The following FBN3 variants were observed in gnomAD, a reference collection of about 807,000 sequenced individuals.
The protein encoded by FBN3 is fibrillin 3, also known as fibrillin-3.
A neutral mutation model predicts 330.1 loss-of-function variants in FBN3; 234 were observed. The ratio of observed to expected loss-of-function variants is 0.71; its 90% CI spans 0.64 to 0.79. The LOEUF (loss-of-function observed/expected upper bound fraction) is 0.79, where lower values mean the gene tolerates loss of function less well. Ranked by LOEUF, FBN3 falls within the 30% of genes least tolerant of loss-of-function variation. The probability of loss-of-function intolerance (pLI) is 0.00; values close to 1 mark genes in which losing one functional copy is unlikely to be tolerated. For missense variants in FBN3, 3,606 were observed against 3,886.9 expected, an observed-to-expected ratio of 0.93 and a Z score of 1.92; for synonymous variants, 1,458 against 1,517.3, an observed-to-expected ratio of 0.96 and a Z score of 0.91.
At position 8,129,242 on chromosome 19, in the gene FBN3, G is replaced by T; in HGVS notation, c.2168C>A (p.Thr723Lys). The change falls in exon 17 of 64, where the codon ACA becomes AAA. Residue 723 changes from threonine to lysine, a missense_variant and splice_region_variant. Coordinates refer to ENST00000600128, the MANE Select transcript of FBN3 (RefSeq NM_032447.5). This position sits in a 1 kb window ranked among gnomAD's most constrained non-coding sequence, Gnocchi z 4.5. ...YEAGASGKDC[T>K]DVDECALNSL... Reference sequence around the variant, plus strand: ...CGCCCGCCAGGTGGCATGCTCACCTGTGCAGTCCTTGCCTGAGGCACCTGC... The same window carrying T: ...CGCCCGCCAGGTGGCATGCTCACCTTTGCAGTCCTTGCCTGAGGCACCTGC... 1.2e-6 allele frequency: 2 copies of T among 1,614,080 alleles called. No homozygotes were observed. Among genetic ancestry groups the T allele is most frequent in the Non-Finnish European group, 1.7e-6 (2 of 1,180,004 alleles).
At chr19:8,134,752 G>A (rs569078893) in intron 13 of FBN3, among the ~76,000 whole-genome samples, 1 of 151,320 alleles carries the variant, frequency 6.6e-6, no homozygotes. Context: ...TGGCCAACAT[G>A]GTGAAACCCC....
rs375951354 is a variant in FBN3, at chr19:8,144,451, C to T, written c.541+426G>A. On this transcript the variant is annotated intron_variant, in intron 6 of 63. Transcript: ENST00000600128. ...AGGGGGTTTGCCCATCTCATGAAGT[C>T]CAGTCCACCCTACCAGATCCAGCTG... Among the ~76,000 whole-genome samples the T allele has an allele frequency of 5.9e-4, 90 of 151,974 alleles. No homozygotes were observed. In the South Asian group the frequency reaches 0.017, roughly 29 times the overall value.
At chr19:8,116,510 G>A (rs575955080) in intron 29 of FBN3, among the ~76,000 whole-genome samples, 164 bp downstream of exon 29, 4 of 152,204 alleles carry the variant, frequency 2.6e-5, no homozygotes, top group Non-Finnish European at 5.9e-5. Flanking sequence ...GGACCCTTAT[G>A]TGGAGAAGCA....
chr19:8,146,710 G>A (rs539860891), intron 3 of FBN3, among the ~76,000 whole-genome samples: 1 of 152,036 alleles, frequency 6.6e-6, no homozygotes, highest in African/African-American at 2.4e-5. Flanking sequence ...CTCACACCTG[G>A]AATCCTAGCA....
intron 46 of FBN3, among the ~76,000 whole-genome samples, chr19:8,095,115 G>T (rs2082182105): frequency 6.6e-6 from 1 of 152,056 alleles, no homozygotes; most frequent in Non-Finnish European, 1.5e-5. Context: ...AGGACTACAG[G>T]CAATAGCCAC....
intron 46 of FBN3, 29 bp downstream of exon 46, chr19:8,095,346 A>C (rs1473648641): frequency 1.2e-6 from 2 of 1,603,394 alleles, no homozygotes; most frequent in Non-Finnish European, 1.7e-6. Context: ...GCTGGCTGAG[A>C]TGCCTCCGAG....
intron 42 of FBN3, 30 bp from the exon 43 acceptor site, chr19:8,097,036 T>A: frequency 6.2e-7 from 1 of 1,604,652 alleles, no homozygotes; most frequent in Non-Finnish European, 8.5e-7. Flanking sequence ...GAGGTGGGGG[T>A]GACAGAGAAG....
Position 8,149,218 on chromosome 19 carries a change from CA to C in FBN3, c.-18+230del, listed in dbSNP as rs1039583908. ...TTGGCTCCGCCCTCACCTGTGGGGT[CA>C]GGGGCCCCGCGCCCCGGCCGAGCCC... On this transcript the variant is annotated intron_variant, in intron 1 of 63. Transcript: ENST00000600128. The surrounding 1 kb of genome is among the most constrained non-coding windows in gnomAD (Gnocchi z 5.5). Among the ~76,000 whole-genome samples, 1 of 151,742 alleles carries C rather than the reference CA, an allele frequency of 6.6e-6. No homozygotes were observed. Among genetic ancestry groups the C allele is most frequent in the African/African-American group, 2.4e-5 (1 of 41,362 alleles).
chr19:8,113,703 C>A (rs2082641062), intron 30 of FBN3, among the ~76,000 whole-genome samples: 1 of 151,696 alleles, frequency 6.6e-6, no homozygotes, highest in South Asian at 2.1e-4. Flanking sequence ...AGCGAGACCT[C>A]ATCTTTACAA....
In FBN3 at chr19:8,112,159, T is replaced by TA. The variant is rs1211502529; in HGVS notation, c.3839-61dup. The TA allele has an allele frequency of 1.1e-4, 167 of 1,558,664 alleles. 1 individual carries two copies. Among genetic ancestry groups the TA allele is most frequent in the Non-Finnish European group, 1.3e-4 (149 of 1,142,738 alleles). Reference sequence around the variant, plus strand: ...TCACAGAAGGAAAGACTCGATGCAATAGCAGCGGAAAGGGCAGGGACTCTT... The same window carrying TA: ...TCACAGAAGGAAAGACTCGATGCAATAAGCAGCGGAAAGGGCAGGGACTCTT... On this transcript the variant is annotated intron_variant, in intron 30 of 63. Transcript: ENST00000600128.
chr19:8,095,693 T>C (rs568238001), intron 45 of FBN3, among the ~76,000 whole-genome samples, 190 bp from the exon 46 acceptor site: 3 of 152,218 alleles, frequency 2.0e-5, no homozygotes, highest in Admixed American at 6.5e-5. Flanking sequence ...AATATAACCA[T>C]GTAATGCTAT....
chr19:8,117,056 G>C, intron 28 of FBN3, 113 bp downstream of exon 28: 1 of 1,469,496 alleles, frequency 6.8e-7, no homozygotes, highest in South Asian at 1.3e-5. Flanking sequence ...GGGGTGCCTC[G>C]GGTCTGGCTG....
chr19:8,104,774 G>A (rs1599351954), intron 38 of FBN3, among the ~76,000 whole-genome samples: 1 of 152,176 alleles, frequency 6.6e-6, no homozygotes, highest in East Asian at 1.9e-4. Context: ...ATCTGCCAAT[G>A]TAGCAAGAAA....
intron 40 of FBN3, among the ~76,000 whole-genome samples, chr19:8,101,992 G>A (rs985389879): frequency 1.3e-5 from 2 of 152,178 alleles, no homozygotes; most frequent in Non-Finnish European, 2.9e-5. Flanking sequence ...CCCGGTGGGA[G>A]GTAACTGAGT....
At chr19:8,147,060 C>A in intron 3 of FBN3, 44 bp downstream of exon 3, 1 of 1,504,932 alleles carries the variant, frequency 6.6e-7, no homozygotes, top group South Asian at 1.2e-5. Flanking sequence ...GTAAGAGTGT[C>A]CCCGGCCTGT....
In FBN3 at chr19:8,096,091, A is replaced by G; in HGVS notation, c.5540-11T>C. 1 of 1,607,078 alleles carries G rather than the reference A, an allele frequency of 6.2e-7. No homozygotes were observed. Among genetic ancestry groups the G allele is most frequent in the Non-Finnish European group, 8.5e-7 (1 of 1,173,822 alleles). ...CACACTCGTCAATGTCTGCAGAAGC[A>G]AAGCCGAGAGCCCAACCCAGCTCAC... On this transcript the variant is annotated splice_polypyrimidine_tract_variant and intron_variant, in intron 44 of 63. Transcript: ENST00000600128. This position sits in a 1 kb window ranked among gnomAD's most constrained non-coding sequence, Gnocchi z 4.6.
At chr19:8,099,950 C>CAGTA (rs1327193868) in intron 41 of FBN3, among the ~76,000 whole-genome samples, 3 of 148,060 alleles carry the variant, frequency 2.0e-5, no homozygotes, top group Non-Finnish European at 3.0e-5. Context: ...GCAGAGGTTG[C>CAGTA]AGTAAGTTGA....
At chr19:8,087,515 C>T (rs1202251463) in intron 53 of FBN3, among the ~76,000 whole-genome samples, 1 of 152,022 alleles carries the variant, frequency 6.6e-6, no homozygotes, top group East Asian at 1.9e-4. Context: ...AGTCCCAGAC[C>T]AGGGTCTCCC....
chr19:8,121,341 G>A lies in FBN3; in HGVS notation c.3128C>T (p.Thr1043Ile), dbSNP rs369644153. The A allele has an allele frequency of 3.1e-6, 5 of 1,613,438 alleles. No homozygotes were observed. The African/African-American group carries it at 6.7e-5, about 22-fold the overall frequency. The change falls in exon 25 of 64, where the codon ACC becomes ATC. Residue 1043 changes from threonine (T) to isoleucine (I), a missense_variant. Physicochemically the swap from Thr to Ile is moderately conservative, Grantham distance 89 (BLOSUM62 -1). Transcript: ENST00000600128. This position sits in a 1 kb window ranked among gnomAD's most constrained non-coding sequence, Gnocchi z 4.5. ...RISPDLCGQG[T>I]CVNTPGSFEC... ...AAAGCTGCCCGGCGTGTTGACACAG[G>A]TGCCCTGGCCGCAGAGGTCAGGAGA...
Sources: allele counts gnomAD v4.1 joint callset (sites outside exome capture counted in the v4.1 genomes callset), GRCh38; gene constraint gnomAD v4.1.1; non-coding constraint Gnocchi (gnomAD v3.1); transcripts MANE v1.5; gene names NCBI Gene and HGNC (gene_info 2026-07-23, HGNC 2026-07-21).